Variants in PPARA observed in about 807,000 individuals in gnomAD.
PPARA encodes peroxisome proliferator-activated receptor alpha.
PPARA carries 22 observed loss-of-function variants against 42.2 expected under a neutral mutation model. The observed-to-expected ratio is 0.52, with a 90% CI of 0.37 to 0.74. The LOEUF is 0.74. PPARA is among the 30% of genes least tolerant of loss of function. The pLI, the probability that PPARA is intolerant of heterozygous loss-of-function variation, is 0.00. For missense variants in PPARA, 465 were observed against 608.2 expected, an observed-to-expected ratio of 0.76 and a Z score of 2.48; for synonymous variants, 242 against 239.3, an observed-to-expected ratio of 1.01 and a Z score of -0.10.
intron 7 of PPARA, 30 bp downstream of exon 7, chr22:46,220,044 T>C: frequency 6.2e-7 from 1 of 1,609,406 alleles, no homozygotes. Flanking sequence ...CTGGGTTCTC[T>C]TGGCAACATG....
rs555728198 is a variant in PPARA, at chr22:46,234,235, G to C, written c.1160-898G>C. Among the ~76,000 whole-genome samples, 35 of 152,120 alleles carry C rather than the reference G, an allele frequency of 2.3e-4. No individual in the cohort carries two copies. The highest frequency in any genetic ancestry group is 4.6e-4 in the Non-Finnish European group (31 of 68,012). ...CAGTCCAGCCTAAGCAACAGAGCAA[G>C]ACCCCATCACTAAAACAATACAAAA... is the stretch of plus-strand genomic sequence containing the variant. On this transcript the variant is annotated intron_variant, in intron 8 of 8. Transcript: ENST00000407236. The surrounding 1 kb of genome is among the most constrained non-coding windows in gnomAD (Gnocchi z 5.8).
At position 46,235,537 on chromosome 22, in the gene PPARA, C is replaced by A; in HGVS notation, c.*157C>A. ...AGGTAACCGGCATATTATTCCATAT[C>A]TTTGTTTTAACCAGTACTTCTAAGA... On this transcript the variant is annotated 3_prime_UTR_variant, in exon 9 of 9. Coordinates refer to ENST00000407236, the MANE Select transcript of PPARA (RefSeq NM_005036.6). This position sits in a 1 kb window ranked among gnomAD's most constrained non-coding sequence, Gnocchi z 7.0. The A allele has an allele frequency of 9.9e-7, 1 of 1,005,210 alleles. No individual in the cohort carries two copies. Among genetic ancestry groups the A allele is most frequent in the Non-Finnish European group, 1.5e-6 (1 of 679,454 alleles). 62.3% of individuals were successfully genotyped at this position (1,005,210 alleles called of 1,614,324 possible). A position where few individuals can be genotyped will look rare whatever the true frequency, so the allele number is the denominator to read the frequency against.
intron 2 of PPARA, among the ~76,000 whole-genome samples, chr22:46,158,009 T>C (rs1001588235): frequency 1.3e-5 from 2 of 152,216 alleles, no homozygotes; most frequent in African/African-American, 4.8e-5. Flanking sequence ...GAAGGACTAA[T>C]GGCTTCCAAG....
At chr22:46,213,184 G>A (rs1934102858) in intron 4 of PPARA, among the ~76,000 whole-genome samples, 1 of 152,102 alleles carries the variant, frequency 6.6e-6, no homozygotes, top group Admixed American at 6.6e-5. Context: ...AATGAATGGG[G>A]GTTCCTGTTG....
In PPARA at chr22:46,190,430, G is replaced by A. The variant is rs565137081; in HGVS notation, c.-42-7912G>A. ...TCAAAAAAGTGAAAGTCTAACGTTC[G>A]TAATTATTGTTCTGGAGGCTTTTGT... is the stretch of plus-strand genomic sequence containing the variant. On this transcript the variant is annotated intron_variant, in intron 3 of 8. Coordinates refer to ENST00000407236, the MANE Select transcript of PPARA (RefSeq NM_005036.6). This position sits in a 1 kb window ranked among gnomAD's most constrained non-coding sequence, Gnocchi z 5.6. 8.1e-4 allele frequency among the ~76,000 whole-genome samples: 124 copies of A among 152,302 alleles called. No homozygotes were observed. The highest frequency in any genetic ancestry group is 2.9e-3 in the African/African-American group (120 of 41,572).
intron 4 of PPARA, among the ~76,000 whole-genome samples, chr22:46,207,802 G>A (rs572358024): frequency 8.1e-4 from 122 of 149,998 alleles, no homozygotes; most frequent in Middle Eastern, 3.5e-3. Context: ...TCCTGCCTCA[G>A]CCTCCTGAGG....
At position 46,241,480 on chromosome 22, in the gene PPARA, G is replaced by A. The variant is rs963307764; in HGVS notation, c.*6100G>A. On this transcript the variant is annotated 3_prime_UTR_variant, in exon 9 of 9. Transcript: ENST00000407236. The surrounding 1 kb of genome is among the most constrained non-coding windows in gnomAD (Gnocchi z 5.7). ...TGTGAAATGCAGCAGGTTCTTAAACGTTATTTCAGTGGCATGGGCTGGAAG... is the reference window on the plus strand; with the variant it reads ...TGTGAAATGCAGCAGGTTCTTAAACATTATTTCAGTGGCATGGGCTGGAAG... 2.6e-5 allele frequency: 4 copies of A among 152,276 alleles called. No individual in the cohort carries two copies. The highest frequency in any genetic ancestry group is 1.9e-4 in the East Asian group (1 of 5,186). 9.4% of individuals were successfully genotyped at this position (152,276 alleles called of 1,614,324 possible).
chr22:46,216,578 C>T lies in PPARA; in HGVS notation c.369+1245C>T, dbSNP rs1221494220. ...ATCTTGCTTAGGGTCCCACAGCCCC[C>T]AGCAGCAGGGACTGGAACCAGAGAC... On this transcript the variant is annotated intron_variant, in intron 5 of 8. Transcript: ENST00000407236. This position sits in a 1 kb window ranked among gnomAD's most constrained non-coding sequence, Gnocchi z 4.5. 6.6e-6 allele frequency among the ~76,000 whole-genome samples: 1 copy of T among 152,202 alleles called. No homozygotes were observed. The highest frequency in any genetic ancestry group is 1.5e-5 in the Non-Finnish European group (1 of 68,036).
rs1936323802 is a variant in PPARA, at chr22:46,239,771, A to C, written c.*4391A>C. On this transcript the variant is annotated 3_prime_UTR_variant, in exon 9 of 9. Transcript: ENST00000407236. ...AACAGATGCACCAAAGCAAGCCCTG[A>C]TGAAACCGCGACTTCCTAAGGTCTG... 1 of 157,856 alleles carries C rather than the reference A, an allele frequency of 6.3e-6. No homozygotes were observed. Among genetic ancestry groups the C allele is most frequent in the Non-Finnish European group, 1.4e-5 (1 of 72,770 alleles). The allele number at this position is 157,856 out of a possible 1,614,324, so 9.8% of individuals were successfully genotyped here.
At chr22:46,155,646 A>C (rs1252894979) in intron 2 of PPARA, 1 of 152,170 alleles carries the variant, frequency 6.6e-6, no homozygotes, top group Non-Finnish European at 1.5e-5. Flanking sequence ...ATAGTTTCTG[A>C]TTATGGGGTA....
In PPARA at chr22:46,221,707, G is replaced by A. The variant is rs1343221984; in HGVS notation, c.711+1693G>A. ...TCAGCTACTTGGGAAGCTGAGGCAG[G>A]AGAATGGCGTGAACCCAGGAGGCAG... On this transcript the variant is annotated intron_variant, in intron 7 of 8. Coordinates refer to ENST00000407236, the MANE Select transcript of PPARA (RefSeq NM_005036.6). This position sits in a 1 kb window ranked among gnomAD's most constrained non-coding sequence, Gnocchi z 5.9. Among the ~76,000 whole-genome samples, 2 of 152,184 alleles carry A rather than the reference G, an allele frequency of 1.3e-5. No individual in the cohort carries two copies. Among genetic ancestry groups the A allele is most frequent in the Admixed American group, 6.5e-5 (1 of 15,288 alleles).
Position 46,171,716 on chromosome 22 carries a change from G to T in PPARA, c.-126-5037G>T, listed in dbSNP as rs1026052454. Among the ~76,000 whole-genome samples the T allele has an allele frequency of 1.3e-5, 2 of 152,166 alleles. No homozygotes were observed. The highest frequency in any genetic ancestry group is 2.4e-5 in the African/African-American group (1 of 41,436). ...GTGACTCGAGCAGTGTCCTGGAGAG[G>T]AGGAGGAGGAGAAAGAGGTCAGGAG... On this transcript the variant is annotated intron_variant, in intron 2 of 8. Transcript: ENST00000407236. This position sits in a 1 kb window ranked among gnomAD's most constrained non-coding sequence, Gnocchi z 5.0.
Position 46,235,410 on chromosome 22 carries a change from G to A in PPARA, c.*30G>A. On this transcript the variant is annotated 3_prime_UTR_variant, in exon 9 of 9. Coordinates refer to ENST00000407236, the MANE Select transcript of PPARA (RefSeq NM_005036.6). The surrounding 1 kb of genome is among the most constrained non-coding windows in gnomAD (Gnocchi z 7.0). Reference sequence around the variant, plus strand: ...CTTCAGATCAGCCACACCTTTTCCAGGAGTTCTGAAGCTGACAGCACTACA... The same window carrying A: ...CTTCAGATCAGCCACACCTTTTCCAAGAGTTCTGAAGCTGACAGCACTACA... The A allele has an allele frequency of 6.2e-7, 1 of 1,610,446 alleles. No homozygotes were observed. The highest frequency in any genetic ancestry group is 1.1e-5 in the South Asian group (1 of 90,538).
rs1255430072 is a variant in PPARA at position 46,211,398 on chromosome 22, G to A, written c.209-3775G>A. Among the ~76,000 whole-genome samples the A allele has an allele frequency of 2.0e-5, 3 of 152,188 alleles. No homozygotes were observed. The highest frequency in any genetic ancestry group is 2.9e-5 in the Non-Finnish European group (2 of 68,032). Reference sequence around the variant, plus strand: ...AAAACTCCATCAGCTAGAGCACAGTGTTTACAGCCAGATCCTTTTGCCTTT... The same window carrying A: ...AAAACTCCATCAGCTAGAGCACAGTATTTACAGCCAGATCCTTTTGCCTTT... On this transcript the variant is annotated intron_variant, in intron 4 of 8. Coordinates refer to ENST00000407236, the MANE Select transcript of PPARA (RefSeq NM_005036.6). This position sits in a 1 kb window ranked among gnomAD's most constrained non-coding sequence, Gnocchi z 4.1.
rs62226992 is a variant in PPARA, at chr22:46,235,690, C to G, written c.*310C>G. 5.0e-4 allele frequency: 191 copies of G among 379,744 alleles called. 1 individual carries two copies. The highest frequency in any genetic ancestry group is 8.8e-4 in the Non-Finnish European group (177 of 201,828). 23.5% of individuals were successfully genotyped at this position (379,744 alleles called of 1,614,324 possible). On this transcript the variant is annotated 3_prime_UTR_variant, in exon 9 of 9. Coordinates refer to ENST00000407236, the MANE Select transcript of PPARA (RefSeq NM_005036.6). The surrounding 1 kb of genome is among the most constrained non-coding windows in gnomAD (Gnocchi z 7.0). ...AATGCACATTGCTTTAGATCACATTCGTGATTTACCATTTAATTAACTGGT... is the reference window on the plus strand; with the variant it reads ...AATGCACATTGCTTTAGATCACATTGGTGATTTACCATTTAATTAACTGGT...
rs1932563456 is a variant in PPARA at position 46,198,328 on chromosome 22, C to T, written c.-42-14C>T. 6.7e-7 allele frequency: 1 copy of T among 1,487,586 alleles called. No individual in the cohort carries two copies. Among genetic ancestry groups the T allele is most frequent in the East Asian group, 2.3e-5 (1 of 44,248 alleles). 92.1% of individuals were successfully genotyped at this position (1,487,586 alleles called of 1,614,324 possible). ...TATACGTCAGTCTTACCAATTGTTC[C>T]TCTTTCCTCCCAGTAGCTTGGAGCT... On this transcript the variant is annotated splice_polypyrimidine_tract_variant and intron_variant, in intron 3 of 8. Transcript: ENST00000407236.
At position 46,219,479 on chromosome 22, in the gene PPARA, G is replaced by A. The variant is rs4253755; in HGVS notation, c.509-333G>A. Among the ~76,000 whole-genome samples the A allele has an allele frequency of 0.086, 13,059 of 152,200 alleles. 717 individuals carry two copies. The highest frequency in any genetic ancestry group is 0.15 in the Middle Eastern group (44 of 294). ...AGCAGTTATTATATAAACTCATCCC[G>A]AAGCCCCGTTCACCTCCTTCACTCA... On this transcript the variant is annotated intron_variant, in intron 6 of 8. Coordinates refer to ENST00000407236, the MANE Select transcript of PPARA (RefSeq NM_005036.6). This position sits in a 1 kb window ranked among gnomAD's most constrained non-coding sequence, Gnocchi z 4.8.
intron 4 of PPARA, among the ~76,000 whole-genome samples, chr22:46,207,666 TTATTA>T (rs1417079338): frequency 1.7e-5 from 2 of 116,962 alleles, no homozygotes; most frequent in African/African-American, 4.1e-5. Flanking sequence ...ATTATTATTA[TTATTA>T]TTATTATTTT....
intron 2 of PPARA, among the ~76,000 whole-genome samples, chr22:46,168,552 C>G (rs1428740034): frequency 2.0e-5 from 3 of 151,754 alleles, no homozygotes; most frequent in African/African-American, 4.8e-5. Flanking sequence ...ATATAAAGAA[C>G]TATTGTAATT....
Sources: gnomAD v4.1 joint callset for allele counts (sites outside exome capture counted in the v4.1 genomes callset) on GRCh38, gnomAD v4.1.1 for gene constraint, Gnocchi (gnomAD v3.1) non-coding constraint, MANE v1.5 for transcripts, NCBI Gene and HGNC (gene_info 2026-07-23, HGNC 2026-07-21) for gene names.